Variants in TENM1 observed in about 807,000 individuals in gnomAD.
TENM1 encodes the protein teneurin-1.
TENM1 carries 35 observed loss-of-function variants against 174.8 expected under a neutral mutation model. That is an observed-to-expected ratio of 0.20 (90% confidence interval 0.15 to 0.27). The LOEUF (loss-of-function observed/expected upper bound fraction) is 0.27. Among genes scored for constraint, TENM1 ranks in the 10% least tolerant of loss-of-function variants. The probability of loss-of-function intolerance (pLI) is 1.00; values close to 1 mark genes in which losing one functional copy is unlikely to be tolerated. For synonymous variants in TENM1, 781 were observed against 798.7 expected (o/e 0.98, Z 0.37); for missense variants, 1,633 against 2,130.1 (o/e 0.77, Z 4.59).
At chrX:124,724,900 G>A (rs1481246152) in intron 4 of TENM1, among the ~76,000 whole-genome samples, 2 of 111,567 alleles carry the variant, frequency 1.8e-5, no homozygotes, top group Non-Finnish European at 3.8e-5. Context: ...TTCATGAGTG[G>A]AATTAGTGTC....
chrX:124,465,588 T>C (rs1290377560), intron 22 of TENM1, among the ~76,000 whole-genome samples: 1 of 111,730 alleles, frequency 9.0e-6, no homozygotes, highest in Non-Finnish European at 1.9e-5. Context: ...TTATTTCTTT[T>C]GGAGTTCACT....
Position 124,841,526 on chromosome X carries a change from C to G in TENM1, c.535+52770G>C, listed in dbSNP as rs143304451. 7.1e-3 allele frequency among the ~76,000 whole-genome samples: 775 copies of G among 109,695 alleles called. 9 individuals carry two copies. The highest frequency in any genetic ancestry group is 0.024 in the African/African-American group (732 of 30,129). ...ATTGCTTCTGTACTATTCCTGGTAA[C>G]CTGGGGTTTCTCAAAAGCTCTGCAT... On this transcript the variant is annotated intron_variant, in intron 3 of 31. Transcript: ENST00000422452.
At chrX:124,757,217 C>G (rs2054279303) in intron 3 of TENM1, among the ~76,000 whole-genome samples, 1 of 112,579 alleles carries the variant, frequency 8.9e-6, no homozygotes, top group Non-Finnish European at 1.9e-5. Context: ...CTCCCCCAGC[C>G]TCGCTGCCAC....
intron 11 of TENM1, among the ~76,000 whole-genome samples, chrX:124,612,724 A>G (rs180851206): frequency 9.1e-6 from 1 of 109,762 alleles, no homozygotes; most frequent in African/African-American, 3.3e-5. Flanking sequence ...AACCTGAATG[A>G]CCTCCTTCTT....
At chrX:124,617,161 T>C (rs1341877242) in intron 11 of TENM1, among the ~76,000 whole-genome samples, 2 of 112,216 alleles carry the variant, frequency 1.8e-5, no homozygotes, top group East Asian at 5.6e-4. Context: ...TTCCTTCTTT[T>C]AAGTAAAACT....
intron 11 of TENM1, among the ~76,000 whole-genome samples, chrX:124,586,269 A>C (rs2049509604): frequency 9.0e-6 from 1 of 110,985 alleles, no homozygotes; most frequent in Admixed American, 9.6e-5. Flanking sequence ...CTTGATGAAT[A>C]TTGATGCAAA....
At chrX:124,603,542 C>T (rs1303554205) in intron 11 of TENM1, among the ~76,000 whole-genome samples, 1 of 111,597 alleles carries the variant, frequency 9.0e-6, no homozygotes, top group Non-Finnish European at 1.9e-5. Flanking sequence ...GGTTTTACAA[C>T]CACCAGGCAG....
intron 11 of TENM1, among the ~76,000 whole-genome samples, chrX:124,585,425 C>A (rs2049474723): frequency 9.0e-6 from 1 of 111,198 alleles, no homozygotes; most frequent in Admixed American, 9.5e-5. Flanking sequence ...ACAACCTGCT[C>A]CTGAATGACT....
intron 8 of TENM1, among the ~76,000 whole-genome samples, chrX:124,650,487 G>A (rs780557158): frequency 6.3e-5 from 7 of 111,290 alleles, no homozygotes; most frequent in Non-Finnish European, 1.1e-4. Context: ...GTAAGGGACA[G>A]GAAAAAACCT....
intron 3 of TENM1, among the ~76,000 whole-genome samples, chrX:124,814,071 G>A (rs1369068658): frequency 1.8e-5 from 2 of 111,506 alleles, no homozygotes; most frequent in South Asian, 7.5e-4. Context: ...GGCCAAGAGG[G>A]AGACAGCATA....
chrX:124,746,518 T>C (rs377583154), intron 3 of TENM1, among the ~76,000 whole-genome samples: 2 of 111,761 alleles, frequency 1.8e-5, no homozygotes, highest in African/African-American at 6.5e-5. Flanking sequence ...TTATTTTTCC[T>C]TCAAAGTCTG....
intron 1 of TENM1, among the ~76,000 whole-genome samples, chrX:124,907,384 T>C (rs888459430): frequency 1.8e-5 from 2 of 111,960 alleles, no homozygotes; most frequent in African/African-American, 6.5e-5. Flanking sequence ...ACAAATGAGG[T>C]TTATTCCTAA....
chrX:124,583,503 C>T (rs2049391403), intron 11 of TENM1, among the ~76,000 whole-genome samples: 1 of 111,136 alleles, frequency 9.0e-6, no homozygotes, highest in African/African-American at 3.3e-5. Flanking sequence ...AACTAACAAC[C>T]AGAAAGGACA....
chrX:124,945,202 T>C (rs1434245213), intron 1 of TENM1, among the ~76,000 whole-genome samples: 1 of 111,558 alleles, frequency 9.0e-6, no homozygotes. Flanking sequence ...GGAAAGAACA[T>C]TTCAGGCAGA....
At chrX:124,934,837 A>G (rs905641598) in intron 1 of TENM1, among the ~76,000 whole-genome samples, 3 of 111,937 alleles carry the variant, frequency 2.7e-5, no homozygotes, top group Non-Finnish European at 5.6e-5. Flanking sequence ...GAATGTGACT[A>G]TGAACATTCT....
chrX:124,490,691 G>A (rs1286060238), intron 20 of TENM1, among the ~76,000 whole-genome samples: 2 of 112,153 alleles, frequency 1.8e-5, no homozygotes, highest in East Asian at 5.6e-4. Context: ...ACTTTTAAGG[G>A]AAGGACAAAA....
At chrX:125,023,476 C>T in the TENM1 span, among the ~76,000 whole-genome samples, 1 of 111,194 alleles carries the variant, frequency 9.0e-6, no homozygotes, top group Non-Finnish European at 1.9e-5. Flanking sequence ...GATCTTATGG[C>T]TCTGCGTCAA....
chrX:124,883,794 C>T (rs1428280686), intron 3 of TENM1, among the ~76,000 whole-genome samples: 3 of 111,605 alleles, frequency 2.7e-5, no homozygotes, highest in South Asian at 3.8e-4. Flanking sequence ...GTTGTGTTGG[C>T]CCAACTTGAG....
At chrX:124,801,314 T>C (rs1412284876) in intron 3 of TENM1, among the ~76,000 whole-genome samples, 2 of 112,066 alleles carry the variant, frequency 1.8e-5, no homozygotes, top group African/African-American at 6.5e-5. Flanking sequence ...TTAGCTCTTG[T>C]TGTTGAATTG....
Sources: gnomAD v4.1 joint callset for allele counts (sites outside exome capture counted in the v4.1 genomes callset) on GRCh38, gnomAD v4.1.1 for gene constraint, MANE v1.5 for transcripts, NCBI Gene and HGNC (gene_info 2026-07-23, HGNC 2026-07-21) for gene names.